WNK2: variants seen among roughly 807,000 people sequenced by gnomAD.
WNK2 encodes WNK lysine deficient protein kinase 2, also known as serine/threonine-protein kinase WNK2.
A neutral mutation model predicts 192.1 loss-of-function variants in WNK2; 67 were observed. That is an observed-to-expected ratio of 0.35 (90% CI 0.29 to 0.43). The LOEUF (loss-of-function observed/expected upper bound fraction) is 0.43. Ranked by LOEUF, WNK2 falls within the 20% of genes least tolerant of loss-of-function variation. The pLI, the probability that WNK2 is intolerant of heterozygous loss-of-function variation, is 1.00. For synonymous variants in WNK2, 1,439 were observed against 1,393.9 expected, an observed-to-expected ratio of 1.03 and a Z score of -0.72; for missense variants, 2,698 against 3,089.7, an observed-to-expected ratio of 0.87 and a Z score of 3.01.
rs528851604 is a variant in WNK2 at position 93,232,536 on chromosome 9, G to A, written c.1075+1428G>A. 2.8e-3 allele frequency among the ~76,000 whole-genome samples: 421 copies of A among 152,296 alleles called. 2 individuals carry two copies. Among genetic ancestry groups the A allele is most frequent in the African/African-American group, 9.7e-3 (402 of 41,558 alleles). ...GGAACCCAGGTCTCAAACCCCGGGC[G>A]CAGTCAGGTGGCAGGAGGGAGGCTT... On this transcript the variant is annotated intron_variant, in intron 4 of 29. Coordinates refer to ENST00000427277, the MANE Select transcript of WNK2 (RefSeq NM_006648.4).
intron 28 of WNK2, among the ~76,000 whole-genome samples, chr9:93,311,733 C>T (rs917742753): frequency 2.6e-5 from 4 of 152,112 alleles, no homozygotes; most frequent in Non-Finnish European, 4.4e-5. Flanking sequence ...TCAAGCAATT[C>T]TCCTGCCTCC....
At chr9:93,256,222 G>A (rs1392151626) in intron 9 of WNK2, 77 bp from the exon 10 acceptor site, 2 of 1,399,540 alleles carry the variant, frequency 1.4e-6, no homozygotes, top group African/African-American at 1.5e-5. Context: ...GATGACATGA[G>A]GCTACCCTGC....
chr9:93,250,613 A>G (rs984792803), intron 8 of WNK2, among the ~76,000 whole-genome samples: 1 of 152,154 alleles, frequency 6.6e-6, no homozygotes, highest in Non-Finnish European at 1.5e-5. Context: ...GTCAGTTTTT[A>G]TGGTTTTCCC....
chr9:93,225,961 G>T (rs1226608355), intron 2 of WNK2, among the ~76,000 whole-genome samples: 1 of 150,348 alleles, frequency 6.7e-6, no homozygotes, highest in Non-Finnish European at 1.5e-5. Flanking sequence ...ATTGTGTGTT[G>T]TGGAAACATT....
chr9:93,269,044 T>A, intron 19 of WNK2: 1 of 1,149,118 alleles, frequency 8.7e-7, no homozygotes, highest in African/African-American at 1.5e-5. Flanking sequence ...TTCACAGTGT[T>A]AACCTGGCAA....
chr9:93,232,848 A>C (rs1012593103), intron 4 of WNK2, among the ~76,000 whole-genome samples: 5 of 151,668 alleles, frequency 3.3e-5, no homozygotes, highest in African/African-American at 1.2e-4. Context: ...GAGAGGCCAC[A>C]ACCAGGAGTG....
chr9:93,300,455 C>T (rs578260029), intron 26 of WNK2: 1 of 277,142 alleles, frequency 3.6e-6, no homozygotes, highest in Admixed American at 5.3e-5. Context: ...GACTGGAGCC[C>T]TTTGCATTCT....
At chr9:93,300,405 G>T (rs747049206) in intron 26 of WNK2, 6 of 371,126 alleles carry the variant, frequency 1.6e-5, no homozygotes, top group African/African-American at 2.1e-5. Context: ...CATGTGCAGC[G>T]GCTGGCCTGC....
intron 2 of WNK2, among the ~76,000 whole-genome samples, chr9:93,190,200 C>T (rs1198485965): frequency 2.6e-5 from 4 of 152,282 alleles, no homozygotes; most frequent in Non-Finnish European, 4.4e-5. Context: ...CGGACTTTCC[C>T]TCCCTCCCAC....
At chr9:93,186,944 G>C (rs1350516966) in intron 2 of WNK2, among the ~76,000 whole-genome samples, 1 of 152,174 alleles carries the variant, frequency 6.6e-6, no homozygotes, top group Non-Finnish European at 1.5e-5. Flanking sequence ...GGCAGTGGGT[G>C]GGGCAGGGGG....
At chr9:93,276,766 A>G (rs908163258) in intron 19 of WNK2, among the ~76,000 whole-genome samples, 7 of 152,220 alleles carry the variant, frequency 4.6e-5, no homozygotes, top group Non-Finnish European at 2.9e-5. Flanking sequence ...GGCTGAGTGC[A>G]GTGGCTCACA....
chr9:93,284,098 C>T (rs887322265), intron 19 of WNK2, among the ~76,000 whole-genome samples: 17 of 152,266 alleles, frequency 1.1e-4, no homozygotes, highest in African/African-American at 4.1e-4. Context: ...AAAAACCCTT[C>T]CTATAAGGAA....
intron 2 of WNK2, 129 bp downstream of exon 2, chr9:93,185,739 C>A: frequency 9.1e-7 from 1 of 1,102,722 alleles, no homozygotes. Flanking sequence ...GTGTGTCACC[C>A]TCTGTGTGGA....
rs560500242 is a variant in WNK2 at position 93,293,412 on chromosome 9, C to T, written c.5708+239C>T. 5.3e-5 allele frequency among the ~76,000 whole-genome samples: 8 copies of T among 152,022 alleles called. No homozygotes were observed. The South Asian group carries it at 6.2e-4, about 12-fold the overall frequency. ...TTCGCTCGCTGCAACCTCCACCTCCCGGGTTCAAGCGATTCTCCTCCCTCA... is the reference window on the plus strand; with the variant it reads ...TTCGCTCGCTGCAACCTCCACCTCCTGGGTTCAAGCGATTCTCCTCCCTCA... On this transcript the variant is annotated intron_variant, in intron 23 of 29. Transcript: ENST00000427277.
Position 93,259,250 on chromosome 9 carries a change from C to T in WNK2, c.2702C>T (p.Ser901Phe). Residue 901 changes from serine to phenylalanine, a missense_variant, in exon 12 of 30, where the codon TCT (serine) becomes TTT (phenylalanine). This residue lies in a region of WNK2 where 893 missense variants were observed against 909.0 expected (regional missense o/e 0.98). Coordinates refer to ENST00000427277, the MANE Select transcript of WNK2 (RefSeq NM_006648.4). This position sits in a 1 kb window ranked among gnomAD's most constrained non-coding sequence, Gnocchi z 4.8. ...PPGVAALSIH[S>F]AVAQLPGQPV... ...GGCGTGGCTGCCCTGTCCATTCATT[C>T]TGCCGTGGCCCAGCTCCCAGGCCAA... The T allele has an allele frequency of 1.2e-6, 2 of 1,613,518 alleles. No homozygotes were observed. Among genetic ancestry groups the T allele is most frequent in the Non-Finnish European group, 8.5e-7 (1 of 1,179,800 alleles).
At chr9:93,222,828 G>A (rs1034233277) in intron 2 of WNK2, among the ~76,000 whole-genome samples, 3 of 151,946 alleles carry the variant, frequency 2.0e-5, no homozygotes, top group Non-Finnish European at 4.4e-5. Context: ...GATTACAGGC[G>A]CCTGCCACCA....
At chr9:93,220,044 G>A (rs953722075) in intron 2 of WNK2, among the ~76,000 whole-genome samples, 1 of 152,228 alleles carries the variant, frequency 6.6e-6, no homozygotes, top group Non-Finnish European at 1.5e-5. Flanking sequence ...AGGGTTGTTG[G>A]GGAGGGAGTC....
At chr9:93,297,112 G>A (rs1850709002) in intron 23 of WNK2, among the ~76,000 whole-genome samples, 1 of 125,284 alleles carries the variant, frequency 8.0e-6, no homozygotes, top group Non-Finnish European at 1.7e-5. Flanking sequence ...CCTCCCCTTG[G>A]CGTCCTCCCC....
In WNK2 at chr9:93,239,955, G is replaced by A. The variant is rs142988830; in HGVS notation, c.1521G>A (p.Pro507=). ...CCTTCGACCTGGAGAAGGAGACGCC[G>A]GATGAGGTGGCCCAAGAGATGGTAA... ...EFTFDLEKET[P]DEVAQEMIES... The change falls in exon 7 of 30, where the codon CCG becomes CCA. Residue 507 remains proline (P), a synonymous_variant. Coordinates refer to ENST00000427277, the MANE Select transcript of WNK2 (RefSeq NM_006648.4). This position sits in a 1 kb window ranked among gnomAD's most constrained non-coding sequence, Gnocchi z 4.2. 289 of 1,611,348 alleles carry A rather than the reference G, an allele frequency of 1.8e-4. No individual in the cohort carries two copies. Among genetic ancestry groups the A allele is most frequent in the Admixed American group, 2.7e-4 (16 of 59,706 alleles).
Sources: allele counts gnomAD v4.1 joint callset (sites outside exome capture counted in the v4.1 genomes callset), GRCh38; gene constraint gnomAD v4.1.1; regional missense constraint gnomAD v4.1.1; non-coding constraint Gnocchi (gnomAD v3.1); transcripts MANE v1.5; gene names NCBI Gene and HGNC (gene_info 2026-07-23, HGNC 2026-07-21).